Variants in SHANK2 observed in about 807,000 individuals in gnomAD.
The protein encoded by SHANK2 is SH3 and multiple ankyrin repeat domains 2, also known as SH3 and multiple ankyrin repeat domains protein 2.
SHANK2 carries 43 observed loss-of-function variants against 133.7 expected under a neutral mutation model. That is an observed-to-expected ratio of 0.32 (90% CI 0.25 to 0.41). The LOEUF (loss-of-function observed/expected upper bound fraction) is 0.41, where lower values mean the gene tolerates loss of function less well. Ranked by LOEUF, SHANK2 falls within the 10% of genes least tolerant of loss-of-function variation. The pLI is 1.00. For synonymous variants in SHANK2, 1,017 were observed against 952.8 expected, an observed-to-expected ratio of 1.07 and a Z score of -1.24; for missense variants, 1,994 against 2,235.8, an observed-to-expected ratio of 0.89 and a Z score of 2.18.
intron 8 of SHANK2, among the ~76,000 whole-genome samples, chr11:71,084,243 T>C (rs1284636370): frequency 5.3e-5 from 8 of 152,158 alleles, no homozygotes; most frequent in Non-Finnish European, 1.2e-4. Flanking sequence ...AGTGCTGCGA[T>C]TACAGGCATA....
chr11:70,918,894 G>A (rs1294140473), intron 10 of SHANK2, among the ~76,000 whole-genome samples: 7 of 152,200 alleles, frequency 4.6e-5, no homozygotes, highest in African/African-American at 1.7e-4. Flanking sequence ...GCCAGGCACA[G>A]TGGCTCAGCC....
intron 11 of SHANK2, among the ~76,000 whole-genome samples, chr11:70,866,650 T>C (rs918382779): frequency 3.9e-5 from 6 of 152,180 alleles, no homozygotes; most frequent in Admixed American, 6.5e-5. Flanking sequence ...TCTAAAGTCC[T>C]ATCTCAGTAG....
chr11:70,720,340 G>C (rs1946048959), intron 14 of SHANK2, among the ~76,000 whole-genome samples: 1 of 152,238 alleles, frequency 6.6e-6, no homozygotes, highest in Non-Finnish European at 1.5e-5. Context: ...AGGCTACAGA[G>C]AATGAGCCTG....
At chr11:70,828,052 T>A (rs782759981) in intron 11 of SHANK2, among the ~76,000 whole-genome samples, 33 of 152,074 alleles carry the variant, frequency 2.2e-4, no homozygotes, top group Non-Finnish European at 4.3e-4. Flanking sequence ...GTGGAGGCGG[T>A]TGAATTGCTT....
chr11:70,944,876 C>T (rs142668483), intron 10 of SHANK2, among the ~76,000 whole-genome samples: 2,605 of 152,282 alleles, frequency 0.017, 25 homozygotes, highest in Middle Eastern at 0.044. Context: ...ACTGCTATGC[C>T]ATTTTTTTGC....
At position 70,580,215 on chromosome 11, in the gene SHANK2, C is replaced by T. The variant is rs552096739; in HGVS notation, c.2062-77284G>A. Reference sequence around the variant, plus strand: ...GAAGGGACACTTTGCAGACCAGCCCCTCCCTTTTGGTCATTAATAAACAGG... The same window carrying T: ...GAAGGGACACTTTGCAGACCAGCCCTTCCCTTTTGGTCATTAATAAACAGG... On this transcript the variant is annotated intron_variant, in intron 17 of 25. Coordinates refer to ENST00000601538, the MANE Select transcript of SHANK2 (RefSeq NM_012309.5). Among the ~76,000 whole-genome samples the T allele has an allele frequency of 3.9e-5, 6 of 152,342 alleles. No individual in the cohort carries two copies. In the East Asian group the frequency reaches 1.2e-3, roughly 29 times the overall value.
At chr11:70,514,623 T>C (rs1418499995) in intron 17 of SHANK2, among the ~76,000 whole-genome samples, 3 of 152,232 alleles carry the variant, frequency 2.0e-5, no homozygotes, top group African/African-American at 7.2e-5. Flanking sequence ...TGCTGGGTTT[T>C]TATATTTTAC....
At chr11:71,119,364 A>T (rs1412776678) in intron 3 of SHANK2, among the ~76,000 whole-genome samples, 3 of 152,158 alleles carry the variant, frequency 2.0e-5, no homozygotes, top group Non-Finnish European at 4.4e-5. Flanking sequence ...AGCAGATCAC[A>T]AGGTCAGGAG....
chr11:70,798,381 G>A (rs547967174), intron 14 of SHANK2, 62 bp downstream of exon 14: 19 of 711,314 alleles, frequency 2.7e-5, no homozygotes, highest in South Asian at 1.0e-4. Flanking sequence ...GGACAACACC[G>A]ACCACGGGCC....
chr11:70,933,689 G>A (rs145232676), intron 10 of SHANK2, among the ~76,000 whole-genome samples: 1,936 of 152,272 alleles, frequency 0.013, 40 homozygotes, highest in African/African-American at 0.043. Flanking sequence ...GGAGGCCGAG[G>A]CGGATGGATC....
chr11:70,611,864 A>G (rs2060661741), intron 17 of SHANK2, among the ~76,000 whole-genome samples: 1 of 145,780 alleles, frequency 6.9e-6, no homozygotes, highest in African/African-American at 2.5e-5. Context: ...AAAAAAGGCA[A>G]TTTTCAGTTC....
At chr11:70,870,237 T>A (rs551559115) in intron 11 of SHANK2, among the ~76,000 whole-genome samples, 1 of 151,984 alleles carries the variant, frequency 6.6e-6, no homozygotes, top group East Asian at 1.9e-4. Context: ...CTGAGAGAAA[T>A]GAACCCGGGG....
intron 10 of SHANK2, among the ~76,000 whole-genome samples, chr11:70,917,512 A>G (rs531504170): frequency 4.6e-5 from 7 of 152,334 alleles, no homozygotes; most frequent in African/African-American, 7.2e-5. Context: ...CGGGGTATAT[A>G]CACAAAGGAA....
At chr11:70,790,762 C>T (rs547264096) in intron 14 of SHANK2, among the ~76,000 whole-genome samples, 15 of 152,314 alleles carry the variant, frequency 9.8e-5, no homozygotes, top group African/African-American at 3.6e-4. Flanking sequence ...CTCAAACAGT[C>T]ACCAGGAGGT....
In SHANK2 at chr11:70,667,474, A is replaced by T. The variant is rs1441422400; in HGVS notation, c.1854-5796T>A. ...GAGGTCTCTCCCCGCTGGCAGGCCT[A>T]AAGATGCTCCTGGTGTCTGCCTCGC... On this transcript the variant is annotated intron_variant, in intron 15 of 25. Coordinates refer to ENST00000601538, the MANE Select transcript of SHANK2 (RefSeq NM_012309.5). Among the ~76,000 whole-genome samples, 5 of 152,274 alleles carry T rather than the reference A, an allele frequency of 3.3e-5. 1 individual carries two copies. In the Middle Eastern group the frequency reaches 0.01, roughly 311 times the overall value.
At chr11:70,529,473 G>A (rs1485795968) in intron 17 of SHANK2, among the ~76,000 whole-genome samples, 8 of 152,218 alleles carry the variant, frequency 5.3e-5, no homozygotes, top group African/African-American at 1.4e-4. Context: ...GCAGTGCGGC[G>A]GATGCAGATT....
At chr11:70,871,635 T>C (rs1021389573) in intron 11 of SHANK2, among the ~76,000 whole-genome samples, 1 of 152,196 alleles carries the variant, frequency 6.6e-6, no homozygotes, top group Admixed American at 6.5e-5. Flanking sequence ...ATTATAAATA[T>C]GACCATATCC....
At chr11:71,107,499 G>A (rs1487853279) in intron 6 of SHANK2, among the ~76,000 whole-genome samples, 4 of 152,196 alleles carry the variant, frequency 2.6e-5, no homozygotes, top group South Asian at 2.1e-4. Context: ...ATTTCAGAAC[G>A]TTCGGAAGGT....
At chr11:70,918,468 AT>A (rs1272178456) in intron 10 of SHANK2, among the ~76,000 whole-genome samples, 2 of 152,222 alleles carry the variant, frequency 1.3e-5, no homozygotes, top group Non-Finnish European at 2.9e-5. Context: ...TTGGGGAAGA[AT>A]GTGCCAAAGT....
Sources: gnomAD v4.1 joint callset for allele counts (sites outside exome capture counted in the v4.1 genomes callset) on GRCh38, gnomAD v4.1.1 for gene constraint, MANE v1.5 for transcripts, NCBI Gene and HGNC (gene_info 2026-07-23, HGNC 2026-07-21) for gene names.